The following CRTC1 variants were observed in gnomAD, a reference collection of about 807,000 sequenced individuals.
CRTC1 encodes CREB-regulated transcription coactivator 1.
CRTC1 carries 18 observed loss-of-function variants against 66.1 expected under a neutral mutation model. The ratio of observed to expected loss-of-function variants is 0.27; its 90% confidence interval spans 0.19 to 0.40. The LOEUF is 0.40. CRTC1 is among the 10% of genes least tolerant of loss of function. CRTC1 has a pLI of 1.00. For synonymous variants in CRTC1, 416 were observed against 398.8 expected, an observed-to-expected ratio of 1.04 and a Z score of -0.51; for missense variants, 669 against 887.9, an observed-to-expected ratio of 0.75 and a Z score of 3.13.
chr19:18,750,429 G>A (rs995896954), intron 5 of CRTC1, among the ~76,000 whole-genome samples: 1 of 152,226 alleles, frequency 6.6e-6, no homozygotes, highest in Non-Finnish European at 1.5e-5. Flanking sequence ...CACCCCTGTG[G>A]CGGGGACAGA....
chr19:18,721,442 C>G (rs1041148191), intron 1 of CRTC1, among the ~76,000 whole-genome samples: 2 of 151,192 alleles, frequency 1.3e-5, no homozygotes, highest in African/African-American at 4.9e-5. Context: ...ATCCACCCAC[C>G]TTGGCCTCCC....
chr19:18,765,617 C>T, intron 9 of CRTC1, 89 bp downstream of exon 9: 6 of 1,283,450 alleles, frequency 4.7e-6, no homozygotes, highest in Non-Finnish European at 6.3e-6. Context: ...CTGTTCCTTC[C>T]AGGAGGCCAC....
At chr19:18,689,876 TGGTA>T (rs2052787921) in intron 1 of CRTC1, among the ~76,000 whole-genome samples, 1 of 151,872 alleles carries the variant, frequency 6.6e-6, no homozygotes, top group Admixed American at 6.6e-5. Flanking sequence ...CCGGGTCCTC[TGGTA>T]ACTCTCCATT....
chr19:18,712,823 G>A (rs1296799162), intron 1 of CRTC1, among the ~76,000 whole-genome samples: 2 of 152,114 alleles, frequency 1.3e-5, no homozygotes, highest in Non-Finnish European at 2.9e-5. Context: ...AGCTGGGCAT[G>A]GTGGCATACG....
chr19:18,697,202 G>T (rs2053012267), intron 1 of CRTC1, among the ~76,000 whole-genome samples: 1 of 152,126 alleles, frequency 6.6e-6, no homozygotes, highest in Non-Finnish European at 1.5e-5. Flanking sequence ...AGCATGGCCG[G>T]GGCCTCCTCC....
chr19:18,775,540 C>A, intron 12 of CRTC1, 101 bp from the exon 13 acceptor site: 1 of 1,091,300 alleles, frequency 9.2e-7, no homozygotes, highest in African/African-American at 1.6e-5. Context: ...GGGACAGAGT[C>A]CCCAGCTGCG....
At chr19:18,692,601 C>CAA (rs36124401) in intron 1 of CRTC1, among the ~76,000 whole-genome samples, 1 of 124,014 alleles carries the variant, frequency 8.1e-6, no homozygotes, top group African/African-American at 2.9e-5. Flanking sequence ...AACTCTGTCT[C>CAA]AAAAAAAAAA....
chr19:18,719,001 AGGGAGGCCT>A (rs1215308566), intron 1 of CRTC1, among the ~76,000 whole-genome samples: 1 of 152,176 alleles, frequency 6.6e-6, no homozygotes, highest in Non-Finnish European at 1.5e-5. Flanking sequence ...CAGAGGGAGC[AGGGAGGCCT>A]GGGAGGAGGT....
intron 1 of CRTC1, among the ~76,000 whole-genome samples, chr19:18,684,356 G>C (rs1038470096): frequency 2.6e-5 from 4 of 152,036 alleles, no homozygotes; most frequent in African/African-American, 7.3e-5. Context: ...AGGGACAGAT[G>C]CCCTCCCATT....
intron 13 of CRTC1, among the ~76,000 whole-genome samples, chr19:18,776,443 G>A (rs1568545539): frequency 6.6e-6 from 1 of 152,226 alleles, no homozygotes; most frequent in Non-Finnish European, 1.5e-5. Context: ...TGAGGGTGAT[G>A]CGCCCCCTGG....
At chr19:18,731,330 A>C (rs1340295311) in intron 1 of CRTC1, among the ~76,000 whole-genome samples, 1 of 152,104 alleles carries the variant, frequency 6.6e-6, no homozygotes, top group Non-Finnish European at 1.5e-5. Flanking sequence ...TGGCCCAGCG[A>C]TCCTCGGCAG....
chr19:18,690,719 G>A (rs1600744497), intron 1 of CRTC1, among the ~76,000 whole-genome samples: 1 of 152,010 alleles, frequency 6.6e-6, no homozygotes, highest in Non-Finnish European at 1.5e-5. Context: ...TCCGGTGACT[G>A]GTATCCTTAT....
chr19:18,726,929 G>GAAAA (rs57708407), intron 1 of CRTC1, among the ~76,000 whole-genome samples: 15 of 111,888 alleles, frequency 1.3e-4, no homozygotes, highest in South Asian at 3.1e-4. Context: ...CCGTCTTGGG[G>GAAAA]AAAAAAAAAA....
chr19:18,780,437 C>A lies in CRTC1; in HGVS notation c.*3055C>A, dbSNP rs60953222. On this transcript the variant is annotated 3_prime_UTR_variant, in exon 14 of 14. Transcript: ENST00000321949. ...TCTGTGTCCTCCAGAGAAGAGGGTT[C>A]TTTGCCCTCATCAGGGCCCTGCTTG... 2,925 of 232,142 alleles carry A rather than the reference C, an allele frequency of 0.013. 100 individuals are homozygous for A. Among genetic ancestry groups the A allele is most frequent in the African/African-American group, 0.06 (2,711 of 45,364 alleles). 14.4% of individuals were successfully genotyped at this position (232,142 alleles called of 1,614,324 possible).
intron 1 of CRTC1, among the ~76,000 whole-genome samples, chr19:18,737,334 T>C (rs1205654643): frequency 6.6e-6 from 1 of 151,940 alleles, no homozygotes; most frequent in African/African-American, 2.4e-5. Context: ...GTCAGCTTGG[T>C]AGTGTCAGAG....
At chr19:18,709,035 G>A (rs1052591903) in intron 1 of CRTC1, among the ~76,000 whole-genome samples, 3 of 152,152 alleles carry the variant, frequency 2.0e-5, no homozygotes, top group Non-Finnish European at 4.4e-5. Context: ...ATGTCCACCC[G>A]GTACCTCCTC....
rs2055069755 is a variant in CRTC1 at position 18,779,865 on chromosome 19, C to T, written c.*2483C>T. On this transcript the variant is annotated 3_prime_UTR_variant, in exon 14 of 14. Transcript: ENST00000321949. The stretch of plus-strand genomic sequence containing the variant: ...CTTGCCAGGGACAGTGGGGCCCACG[C>T]GAGTACCCGGGGCCCAGCCAGGAGC... 8.8e-6 allele frequency: 2 copies of T among 228,450 alleles called. No individual in the cohort carries two copies. The highest frequency in any genetic ancestry group is 1.3e-4 in the East Asian group (2 of 15,954). The allele number at this position is 228,450 out of a possible 1,614,324, so 14.2% of individuals were successfully genotyped here.
At chr19:18,725,914 C>T (rs1324166189) in intron 1 of CRTC1, among the ~76,000 whole-genome samples, 4 of 152,242 alleles carry the variant, frequency 2.6e-5, no homozygotes, top group Non-Finnish European at 4.4e-5. Flanking sequence ...GCCCAGATCC[C>T]CTGGGGACAT....
chr19:18,741,743 A>G lies in CRTC1; in HGVS notation c.127-1167A>G, dbSNP rs926419154. ...CCCCCAGGCCCTCGAGAGCCACCCA[A>G]TAACACACAAGGTTAATCTTACCAT... On this transcript the variant is annotated intron_variant, in intron 1 of 13. Transcript: ENST00000321949. This position sits in a 1 kb window ranked among gnomAD's most constrained non-coding sequence, Gnocchi z 4.2. Among the ~76,000 whole-genome samples the G allele has an allele frequency of 5.9e-5, 9 of 152,172 alleles. No homozygotes were observed. Among genetic ancestry groups the G allele is most frequent in the East Asian group, 1.9e-4 (1 of 5,198 alleles).
Sources: gnomAD v4.1 joint callset for allele counts (sites outside exome capture counted in the v4.1 genomes callset) on GRCh38, gnomAD v4.1.1 for gene constraint, Gnocchi (gnomAD v3.1) non-coding constraint, MANE v1.5 for transcripts, NCBI Gene and HGNC (gene_info 2026-07-23, HGNC 2026-07-21) for gene names.